Variants in AFF3 observed in about 807,000 individuals in gnomAD.
The protein encoded by AFF3 is ALF transcription elongation factor 3.
In AFF3, 32 loss-of-function variants were observed where a neutral mutation model predicts 129.7. The ratio of observed to expected loss-of-function variants is 0.25; its 90% CI spans 0.19 to 0.33. AFF3 has a LOEUF of 0.33. AFF3 is among the 10% of genes least tolerant of loss of function. The pLI is 1.00. For missense variants in AFF3, 1,373 were observed against 1,592.0 expected, an observed-to-expected ratio of 0.86 and a Z score of 2.34; for synonymous variants, 644 against 635.4, an observed-to-expected ratio of 1.01 and a Z score of -0.20.
chr2:99,655,256 A>G (rs930931210), intron 12 of AFF3, among the ~76,000 whole-genome samples: 31 of 142,736 alleles, frequency 2.2e-4, no homozygotes, highest in African/African-American at 7.7e-4. Flanking sequence ...ACACACACAC[A>G]CACACACACA....
At chr2:100,003,336 T>G (rs1428415891) in intron 7 of AFF3, among the ~76,000 whole-genome samples, 1 of 152,110 alleles carries the variant, frequency 6.6e-6, no homozygotes, top group African/African-American at 2.4e-5. Flanking sequence ...GAACAAAAAA[T>G]AATTCACTTC....
At chr2:100,059,008 T>C (rs1687021947) in intron 4 of AFF3, among the ~76,000 whole-genome samples, 1 of 152,066 alleles carries the variant, frequency 6.6e-6, no homozygotes, top group Admixed American at 6.5e-5. Flanking sequence ...ATCCCAGCAC[T>C]TTGGGAGGCC....
At chr2:99,770,217 C>A (rs1683364137) in intron 8 of AFF3, among the ~76,000 whole-genome samples, 1 of 152,196 alleles carries the variant, frequency 6.6e-6, no homozygotes, top group African/African-American at 2.4e-5. Flanking sequence ...TTCCCATGGT[C>A]CCCTCTCCTT....
At chr2:99,863,939 G>A (rs753340532) in intron 7 of AFF3, among the ~76,000 whole-genome samples, 2 of 152,214 alleles carry the variant, frequency 1.3e-5, no homozygotes, top group Admixed American at 1.3e-4. Context: ...GACCTTCTAA[G>A]CCATCAGAAT....
intron 11 of AFF3, among the ~76,000 whole-genome samples, chr2:99,696,827 G>A (rs899454879): frequency 6.6e-6 from 1 of 151,982 alleles, no homozygotes; most frequent in African/African-American, 2.4e-5. Context: ...AATTTTTTTT[G>A]TAGAGATGGA....
At chr2:99,864,034 G>C (rs148874214) in intron 7 of AFF3, among the ~76,000 whole-genome samples, 1 of 152,148 alleles carries the variant, frequency 6.6e-6, no homozygotes, top group Non-Finnish European at 1.5e-5. Flanking sequence ...AAAGTCCATC[G>C]TTGCCACAGA....
At chr2:100,050,688 G>A (rs932989902) in intron 4 of AFF3, among the ~76,000 whole-genome samples, 3 of 152,186 alleles carry the variant, frequency 2.0e-5, no homozygotes, top group Admixed American at 6.5e-5. Flanking sequence ...GTCAGTGCAC[G>A]TAGGATTTTG....
rs369436458 is a variant in AFF3 at position 100,067,202 on chromosome 2, G to T, written c.53+37200C>A. On this transcript the variant is annotated intron_variant, in intron 4 of 24. Transcript: ENST00000672756. ...AGTTAAAAAAAAAAAAAAAAAGGTG[G>T]GGGGAGGGTGTAGTTCAAAAGACAG... Among the ~76,000 whole-genome samples the T allele has an allele frequency of 3.9e-4, 60 of 152,048 alleles. 2 individuals carry two copies. Among genetic ancestry groups the T allele is most frequent in the Admixed American group, 2.9e-3 (45 of 15,270 alleles).
chr2:99,850,184 G>T (rs1238203556), intron 7 of AFF3, among the ~76,000 whole-genome samples: 1 of 152,194 alleles, frequency 6.6e-6, no homozygotes, highest in African/African-American at 2.4e-5. Flanking sequence ...GCCCCAGGCT[G>T]TTAGCCTCCT....
chr2:99,935,974 G>C (rs993992838), intron 7 of AFF3, among the ~76,000 whole-genome samples: 1 of 152,156 alleles, frequency 6.6e-6, no homozygotes, highest in Non-Finnish European at 1.5e-5. Context: ...CCTCAGTTAA[G>C]GGAGTTTCAT....
At chr2:99,943,554 C>T (rs1336718851) in intron 7 of AFF3, among the ~76,000 whole-genome samples, 1 of 152,178 alleles carries the variant, frequency 6.6e-6, no homozygotes, top group Non-Finnish European at 1.5e-5. Flanking sequence ...TGCCTTCTTT[C>T]CAAACCCTAC....
intron 7 of AFF3, among the ~76,000 whole-genome samples, chr2:99,915,188 G>T (rs1190122617): frequency 2.0e-5 from 3 of 151,886 alleles, no homozygotes; most frequent in Admixed American, 1.3e-4. Context: ...TTTTAAAAAG[G>T]CTCTCGATAA....
rs1476160570 is a variant in AFF3, at chr2:99,587,216, T to C, written c.2529A>G (p.Ser843=). ...KKSQGEKDSS[S]RLATSTSNTL... ...TATTACTGGTGGAGGTGGCCAGTCT[T>C]GAAGAGCTGTCTTTCTCTCCCTGGG... is the stretch of plus-strand genomic sequence containing the variant. Residue 843 remains serine, a synonymous_variant, in exon 16 of 25, where the codon TCA becomes TCG. Coordinates refer to ENST00000672756, the MANE Select transcript of AFF3 (RefSeq NM_001386135.1). 10 of 1,614,096 alleles carry C rather than the reference T, an allele frequency of 6.2e-6. No individual in the cohort carries two copies. In the Admixed American group the frequency reaches 8.3e-5, roughly 13 times the overall value.
intron 2 of AFF3, chr2:100,107,496 T>C: frequency 1.0e-6 from 1 of 985,268 alleles, no homozygotes; most frequent in Non-Finnish European, 1.2e-6. Flanking sequence ...AATAAAAATG[T>C]TAGAGTGATG....
chr2:99,796,288 C>T (rs1196571366), intron 8 of AFF3, among the ~76,000 whole-genome samples: 8 of 152,180 alleles, frequency 5.3e-5, no homozygotes, highest in Non-Finnish European at 1.2e-4. Flanking sequence ...CTGCAACTGA[C>T]ATATGAATAC....
intron 7 of AFF3, among the ~76,000 whole-genome samples, chr2:99,981,142 C>T (rs1167018433): frequency 6.6e-6 from 1 of 152,102 alleles, no homozygotes; most frequent in Non-Finnish European, 1.5e-5. Flanking sequence ...CCTCAGCCTC[C>T]CAAGTAGCTG....
intron 13 of AFF3, among the ~76,000 whole-genome samples, chr2:99,636,339 C>T (rs543474098): frequency 5.3e-5 from 8 of 152,290 alleles, no homozygotes; most frequent in African/African-American, 1.7e-4. Flanking sequence ...TTCATCGAGG[C>T]CCTGTCCAGT....
intron 2 of AFF3, chr2:100,106,883 G>A (rs970934421): frequency 1.0e-6 from 1 of 985,518 alleles, no homozygotes; most frequent in Non-Finnish European, 1.2e-6. Flanking sequence ...AAAGAGGGAA[G>A]GCCCTGGGAT....
intron 11 of AFF3, among the ~76,000 whole-genome samples, chr2:99,706,405 C>A (rs1677390637): frequency 6.6e-6 from 1 of 152,222 alleles, no homozygotes; most frequent in South Asian, 2.1e-4. Context: ...TCTATCCGGG[C>A]TGTCACTGGT....
Sources: gnomAD v4.1 joint callset for allele counts (sites outside exome capture counted in the v4.1 genomes callset) on GRCh38, gnomAD v4.1.1 for gene constraint, MANE v1.5 for transcripts, NCBI Gene and HGNC (gene_info 2026-07-23, HGNC 2026-07-21) for gene names.